The following RERG variants were observed in gnomAD, a reference collection of about 807,000 sequenced individuals.
The protein encoded by RERG is RAS like estrogen regulated growth inhibitor, also known as ras-related and estrogen-regulated growth inhibitor.
A neutral mutation model predicts 23.2 loss-of-function variants in RERG; 25 were observed. The observed-to-expected ratio is 1.08, with a 90% CI of 0.79 to 1.50. The LOEUF is 1.50. Ranked by LOEUF, RERG falls within the 40% of genes most tolerant of loss-of-function variation. The probability of loss-of-function intolerance (pLI) is 0.00; values close to 1 mark genes in which losing one functional copy is unlikely to be tolerated. For missense variants in RERG, 253 were observed against 250.1 expected, an observed-to-expected ratio of 1.01 and a Z score of -0.08; for synonymous variants, 81 against 89.1, an observed-to-expected ratio of 0.91 and a Z score of 0.51.
chr12:15,218,915 T>C (rs1346194809), intron 1 of RERG, among the ~76,000 whole-genome samples: 1 of 152,150 alleles, frequency 6.6e-6, no homozygotes, highest in Admixed American at 6.5e-5. Context: ...CTTTGAGATA[T>C]GACCTGACAA....
rs1302101353 is a variant in RERG at position 15,178,436 on chromosome 12, A to G, written c.61+38993T>C. Among the ~76,000 whole-genome samples the G allele has an allele frequency of 3.3e-5, 5 of 152,208 alleles. No homozygotes were observed. The East Asian group carries it at 9.6e-4, about 29-fold the overall frequency. ...AGGTATCAGAAATAATCAGTACACT[A>G]TCTAGGGAGAAGTCCAAGACAATAT... On this transcript the variant is annotated intron_variant, in intron 2 of 4. Transcript: ENST00000256953.
At chr12:15,137,734 G>A in intron 2 of RERG, 3 of 340,960 alleles carry the variant, frequency 8.8e-6, no homozygotes, top group Non-Finnish European at 1.7e-5. Flanking sequence ...ACTTATACAT[G>A]AGCAATTATA....
intron 4 of RERG, 60 bp from the exon 5 acceptor site, chr12:15,109,577 T>A: frequency 7.4e-7 from 1 of 1,348,740 alleles, no homozygotes; most frequent in Non-Finnish European, 1.0e-6. Context: ...ATATGGATGC[T>A]GGTAATGCTG....
chr12:15,192,972 A>C (rs1865092333), intron 2 of RERG, among the ~76,000 whole-genome samples: 1 of 152,202 alleles, frequency 6.6e-6, no homozygotes, highest in African/African-American at 2.4e-5. Context: ...AGTATTGCTT[A>C]ACATAGTGTC....
chr12:15,132,895 G>A (rs963039319), intron 2 of RERG, among the ~76,000 whole-genome samples: 1 of 151,790 alleles, frequency 6.6e-6, no homozygotes, highest in African/African-American at 2.4e-5. Flanking sequence ...TAAATGAGAC[G>A]TGATTTTTTA....
intron 2 of RERG, among the ~76,000 whole-genome samples, chr12:15,140,599 G>A (rs56138953): frequency 0.024 from 3,657 of 151,896 alleles, 139 homozygotes; most frequent in African/African-American, 0.084. Context: ...CTCTGCTACC[G>A]ATGAATTCTG....
intron 2 of RERG, among the ~76,000 whole-genome samples, chr12:15,202,957 A>C (rs1865237641): frequency 6.6e-6 from 1 of 151,530 alleles, no homozygotes. Flanking sequence ...CCTCATCAAC[A>C]CTTCTTGTCT....
Position 15,175,363 on chromosome 12 carries a change from G to GTGTT in RERG, c.61+42065_61+42066insAACA, listed in dbSNP as rs1555127071. Among the ~76,000 whole-genome samples the GTGTT allele has an allele frequency of 1.4e-3, 204 of 150,114 alleles. 4 individuals carry two copies. The highest frequency in any genetic ancestry group is 4.8e-3 in the African/African-American group (198 of 40,910). On this transcript the variant is annotated intron_variant, in intron 2 of 4. Transcript: ENST00000256953. ...TGTGTGTGTGTGTGTGTGTGTGTGT[G>GTGTT]TGTGTGTGTGTGTGTGTGTGTGTGT...
At chr12:15,176,460 TA>T (rs1274316593) in intron 2 of RERG, among the ~76,000 whole-genome samples, 1 of 152,152 alleles carries the variant, frequency 6.6e-6, no homozygotes, top group African/African-American at 2.4e-5. Context: ...CCAGACATAT[TA>T]TTTTTTATGT....
At chr12:15,185,805 G>A (rs1038193092) in intron 2 of RERG, among the ~76,000 whole-genome samples, 18 of 151,132 alleles carry the variant, frequency 1.2e-4, no homozygotes, top group African/African-American at 3.6e-4. Flanking sequence ...AAACCTGCAC[G>A]TGTATCCCCT....
intron 2 of RERG, among the ~76,000 whole-genome samples, chr12:15,141,363 C>T (rs545383746): frequency 6.6e-6 from 1 of 152,120 alleles, no homozygotes; most frequent in East Asian, 1.9e-4. Context: ...TACCTATTGG[C>T]ATACCTTAAA....
In RERG at chr12:15,109,224, T is replaced by G. The variant is rs1305991903; in HGVS notation, c.486A>C (p.Glu162Asp). 1.4e-5 allele frequency: 22 copies of G among 1,614,010 alleles called. No homozygotes were observed. Among genetic ancestry groups the G allele is most frequent in the Non-Finnish European group, 1.9e-5 (22 of 1,180,026 alleles). The change falls in exon 5 of 5, where the codon GAA (glutamate) becomes GAC (aspartate). Residue 162 changes from glutamate (E) to aspartate (D), a missense_variant. By Grantham distance (45) the Glu-to-Asp change is conservative. Transcript: ENST00000256953. ...TCCGGCGACGCACCTCTCGACACAA[T>G]TCATAGAATATCTCTGTGATGTTCC... ...GEGNITEIFY[E>D]LCREVRRRRM... is the part of the protein sequence containing the mutation.
intron 2 of RERG, among the ~76,000 whole-genome samples, chr12:15,194,420 C>A (rs1375826874): frequency 1.3e-5 from 2 of 151,880 alleles, no homozygotes; most frequent in Admixed American, 6.6e-5. Context: ...ACTCTCCCCT[C>A]AGAACATGTG....
chr12:15,194,874 C>A (rs1449086324), intron 2 of RERG, among the ~76,000 whole-genome samples: 1 of 152,022 alleles, frequency 6.6e-6, no homozygotes, highest in Non-Finnish European at 1.5e-5. Context: ...ACGTCAATAT[C>A]CACTATCTCT....
At chr12:15,152,790 T>C (rs899983817) in intron 2 of RERG, among the ~76,000 whole-genome samples, 1 of 152,174 alleles carries the variant, frequency 6.6e-6, no homozygotes, top group Admixed American at 6.5e-5. Context: ...CTAGCATGCA[T>C]GTTCTTAGGT....
At chr12:15,148,190 T>A (rs1864365952) in intron 2 of RERG, among the ~76,000 whole-genome samples, 1 of 151,872 alleles carries the variant, frequency 6.6e-6, no homozygotes, top group South Asian at 2.1e-4. Flanking sequence ...AGAGAAAACA[T>A]CCAAAATACA....
chr12:15,117,903 C>T (rs1047830082), intron 3 of RERG, among the ~76,000 whole-genome samples: 1 of 152,110 alleles, frequency 6.6e-6, no homozygotes, highest in East Asian at 1.9e-4. Flanking sequence ...TGGTCCAACT[C>T]GCACATCTTA....
At chr12:15,124,226 C>T (rs942329563) in intron 2 of RERG, among the ~76,000 whole-genome samples, 2 of 152,046 alleles carry the variant, frequency 1.3e-5, no homozygotes, top group African/African-American at 4.8e-5. Context: ...AAAATAGTCA[C>T]GTTATTTCTA....
At chr12:15,168,479 C>T (rs1039430136) in intron 2 of RERG, among the ~76,000 whole-genome samples, 1 of 152,098 alleles carries the variant, frequency 6.6e-6, no homozygotes, top group Non-Finnish European at 1.5e-5. Context: ...TTTTGATGAT[C>T]AAAATCAAAA....
Sources: gnomAD v4.1 joint callset for allele counts (sites outside exome capture counted in the v4.1 genomes callset) on GRCh38, gnomAD v4.1.1 for gene constraint, MANE v1.5 for transcripts, NCBI Gene and HGNC (gene_info 2026-07-23, HGNC 2026-07-21) for gene names.